PDXDC1: variants seen among roughly 807,000 people sequenced by gnomAD.
The protein encoded by PDXDC1 is pyridoxal-dependent decarboxylase domain-containing protein 1.
PDXDC1 carries 42 observed loss-of-function variants against 100.1 expected under a neutral mutation model. The ratio of observed to expected loss-of-function variants is 0.42; its 90% CI spans 0.33 to 0.54. PDXDC1 has a LOEUF of 0.54. Ranked by LOEUF, PDXDC1 falls within the 20% of genes least tolerant of loss-of-function variation. The pLI, the probability that PDXDC1 is intolerant of heterozygous loss-of-function variation, is 0.10. For synonymous variants in PDXDC1, 260 were observed against 371.7 expected, an observed-to-expected ratio of 0.70 and a Z score of 3.46; for missense variants, 636 against 979.2, an observed-to-expected ratio of 0.65 and a Z score of 4.68.
downstream of PDXDC1, among the ~76,000 whole-genome samples, chr16:15,140,838 G>A (rs906422532): frequency 1.3e-5 from 2 of 152,100 alleles, no homozygotes; most frequent in African/African-American, 4.8e-5. Flanking sequence ...CAGGGACTGT[G>A]GCTCCGCAGG....
Position 15,031,728 on chromosome 16 carries a change from T to A in PDXDC1, c.1400-7T>A, listed in dbSNP as rs1407554963. On this transcript the variant is annotated splice_polypyrimidine_tract_variant and splice_region_variant and intron_variant, in intron 16 of 22. Coordinates refer to ENST00000396410, the MANE Select transcript of PDXDC1 (RefSeq NM_015027.4). The stretch of plus-strand genomic sequence containing the variant: ...GAGCATTTCTCTGACATTGTGAACA[T>A]CTTCAGTTTTAGGAACTCGGGGAGA... 6.2e-7 allele frequency: 1 copy of A among 1,606,128 alleles called. No individual in the cohort carries two copies. The highest frequency in any genetic ancestry group is 1.7e-5 in the Admixed American group (1 of 59,924).
the PDXDC1 span, among the ~76,000 whole-genome samples, chr16:15,145,933 C>T: frequency 6.6e-6 from 1 of 152,242 alleles, no homozygotes; most frequent in African/African-American, 2.4e-5. Context: ...ACACGTGTGT[C>T]TCCCTCCAAA....
intron 1 of PDXDC1, among the ~76,000 whole-genome samples, chr16:14,996,153 A>G (rs1971911607): frequency 6.6e-6 from 1 of 152,284 alleles, no homozygotes; most frequent in Non-Finnish European, 1.5e-5. Flanking sequence ...GCTCAGGAGA[A>G]CACAGCTGGA....
chr16:15,101,215 A>C (rs2046534307), intron 16 of PDXDC1, among the ~76,000 whole-genome samples: 1 of 152,152 alleles, frequency 6.6e-6, no homozygotes, highest in Non-Finnish European at 1.5e-5. Flanking sequence ...TTGCCCATTT[A>C]TTTTCCTGTA....
chr16:15,011,637 T>TC (rs1214286285), intron 8 of PDXDC1, among the ~76,000 whole-genome samples: 182 of 113,602 alleles, frequency 1.6e-3, no homozygotes, highest in Admixed American at 3.4e-3. Context: ...TTTTCTTTTT[T>TC]TTTTTTTTTT....
At chr16:14,987,583 C>A (rs1213026178) in intron 1 of PDXDC1, among the ~76,000 whole-genome samples, 1 of 152,282 alleles carries the variant, frequency 6.6e-6, no homozygotes, top group African/African-American at 2.4e-5. Flanking sequence ...GACATTCTTC[C>A]GAGGAACTTG....
At chr16:15,068,417 A>G (rs2045072755) in intron 16 of PDXDC1, 1 of 1,100,646 alleles carries the variant, frequency 9.1e-7, no homozygotes, top group Non-Finnish European at 1.3e-6. Context: ...ATAAAGGTCC[A>G]TGCAGATAGT....
chr16:14,976,935 A>G (rs1966864555), intron 1 of PDXDC1: 1 of 152,428 alleles, frequency 6.6e-6, no homozygotes, highest in Admixed American at 6.5e-5. Flanking sequence ...TGTAATTGGA[A>G]TCCTGAAGAA....
chr16:15,142,355 C>T (rs566035459), downstream of PDXDC1, among the ~76,000 whole-genome samples: 41 of 152,252 alleles, frequency 2.7e-4, no homozygotes, highest in Admixed American at 2.3e-3. Context: ...CCCTGCGTGC[C>T]AGGCTCCAGG....
At chr16:15,086,277 G>A in intron 16 of PDXDC1, 2 of 1,563,736 alleles carry the variant, frequency 1.3e-6, no homozygotes, top group East Asian at 2.3e-5. Flanking sequence ...GGGGAAGAAA[G>A]ATAAAAGCAG....
intron 16 of PDXDC1, among the ~76,000 whole-genome samples, chr16:15,123,226 C>T (rs2047527012): frequency 6.6e-6 from 1 of 151,544 alleles, no homozygotes; most frequent in South Asian, 2.1e-4. Context: ...TCCCAATGAC[C>T]CCTCCCCCAT....
chr16:15,070,526 C>T (rs553215465), intron 16 of PDXDC1, among the ~76,000 whole-genome samples: 1 of 152,166 alleles, frequency 6.6e-6, no homozygotes, highest in South Asian at 2.1e-4. Context: ...AGCAGGTTCT[C>T]CTAACCATCT....
intron 16 of PDXDC1, among the ~76,000 whole-genome samples, chr16:15,124,603 T>C (rs2047602547): frequency 6.8e-6 from 1 of 147,456 alleles, no homozygotes; most frequent in Non-Finnish European, 1.5e-5. Flanking sequence ...TGAAACCCTG[T>C]GTCTAATAAA....
intron 16 of PDXDC1, chr16:15,132,981 G>A (rs2048181507): frequency 2.6e-6 from 4 of 1,529,160 alleles, no homozygotes; most frequent in Non-Finnish European, 3.6e-6. Context: ...GATGCTGTGT[G>A]ATGTGGGCAT....
intron 1 of PDXDC1, among the ~76,000 whole-genome samples, chr16:14,977,557 C>T (rs140692264): frequency 0.053 from 7,888 of 149,218 alleles, 36 homozygotes; most frequent in East Asian, 0.14. Context: ...GGATTACAGG[C>T]GTAAGCCACT....
At position 15,130,337 on chromosome 16, in the gene PDXDC1, G is replaced by A. The variant is rs774759162; in HGVS notation, c.1400-8542G>A. 80 of 1,550,992 alleles carry A rather than the reference G, an allele frequency of 5.2e-5. 1 individual carries two copies. The highest frequency in any genetic ancestry group is 2.3e-4 in the Middle Eastern group (1 of 4,364). ...GCAGCCCCTCTGTCCGCCACACCAC[G>A]TCCTCCTCGCTGAAGTACTGGCACA... On this transcript the variant is annotated intron_variant, in intron 16 of 16. Transcript: ENST00000535621.
intron 16 of PDXDC1, chr16:15,047,840 C>T (rs1344773153): frequency 6.2e-7 from 1 of 1,603,564 alleles, no homozygotes; most frequent in Admixed American, 1.7e-5. Context: ...GTTTCCTTCA[C>T]CTCTCTCATC....
chr16:15,008,450 A>G (rs1313619036), intron 6 of PDXDC1, among the ~76,000 whole-genome samples: 1 of 152,244 alleles, frequency 6.6e-6, no homozygotes, highest in Non-Finnish European at 1.5e-5. Flanking sequence ...ATCCAAAATT[A>G]CCCCCACTAA....
Position 15,133,720 on chromosome 16 carries a change from A to G in PDXDC1, c.1400-5159A>G, listed in dbSNP as rs372497933. ...CATGCCAGCCTGAGGGACGGTCCCC[A>G]TGGCATCACGGGAGGGCTCCGTGAC... On this transcript the variant is annotated intron_variant, in intron 16 of 16. Coordinates refer to the PDXDC1 transcript ENST00000535621. The G allele has an allele frequency of 4.4e-6, 7 of 1,604,722 alleles. No homozygotes were observed. The East Asian group carries it at 1.3e-4, about 31-fold the overall frequency.
Sources: gnomAD v4.1 joint callset for allele counts (sites outside exome capture counted in the v4.1 genomes callset) on GRCh38, gnomAD v4.1.1 for gene constraint, MANE v1.5 for transcripts, NCBI Gene and HGNC (gene_info 2026-07-23, HGNC 2026-07-21) for gene names.